Variants in CHLSN observed in about 807,000 individuals in gnomAD.
The protein encoded by CHLSN is cholesin, also known as protein cholesin.
chr7:1,005,887 C>G, the CHLSN span, among the ~76,000 whole-genome samples: 1 of 152,342 alleles, frequency 6.6e-6, no homozygotes, highest in Non-Finnish European at 1.5e-5. Context: ...CAGACCCAGG[C>G]AGGGGGCCGG....
chr7:979,734 C>CAA, the CHLSN span, among the ~76,000 whole-genome samples: 6 of 136,260 alleles, frequency 4.4e-5, no homozygotes, highest in African/African-American at 1.1e-4. Flanking sequence ...AACTCCGTCT[C>CAA]AAAAAAAAAA....
chr7:1,109,654 C>T, the CHLSN span, among the ~76,000 whole-genome samples: 1 of 152,014 alleles, frequency 6.6e-6, no homozygotes, highest in Non-Finnish European at 1.5e-5. Flanking sequence ...GAGCCTTTCC[C>T]GCCCGCCGGG....
At chr7:1,062,319 G>A in the CHLSN span, among the ~76,000 whole-genome samples, 1 of 152,118 alleles carries the variant, frequency 6.6e-6, no homozygotes, top group Non-Finnish European at 1.5e-5. Context: ...ACACGACAGA[G>A]GGAAAGCAGG....
At chr7:1,068,252 G>A in the CHLSN span, among the ~76,000 whole-genome samples, 4 of 152,056 alleles carry the variant, frequency 2.6e-5, no homozygotes, top group Non-Finnish European at 5.9e-5. Context: ...TGGTGCTCAC[G>A]CCACACCCCT....
the CHLSN span, among the ~76,000 whole-genome samples, chr7:1,061,475 A>G: frequency 6.6e-6 from 1 of 151,192 alleles, no homozygotes; most frequent in African/African-American, 2.4e-5. Flanking sequence ...CCCTCCACTG[A>G]GCGCCAAGGC....
At chr7:987,493 G>A in the CHLSN span, 55 of 1,546,424 alleles carry the variant, frequency 3.6e-5, no homozygotes, top group East Asian at 7.5e-4. Context: ...CCGCTGCACC[G>A]CGGCCGACAC....
At chr7:1,108,977 A>G in the CHLSN span, among the ~76,000 whole-genome samples, 5 of 149,338 alleles carry the variant, frequency 3.3e-5, no homozygotes, top group Non-Finnish European at 7.4e-5. Context: ...GCTCACTGCA[A>G]CTCTGCTTCC....
the CHLSN span, among the ~76,000 whole-genome samples, chr7:1,071,901 C>A: frequency 6.6e-6 from 1 of 152,216 alleles, no homozygotes; most frequent in African/African-American, 2.4e-5. Context: ...CAAGACTGCA[C>A]CCCCAGGCCC....
At chr7:1,006,829 C>A in the CHLSN span, among the ~76,000 whole-genome samples, 2 of 152,300 alleles carry the variant, frequency 1.3e-5, no homozygotes, top group East Asian at 3.9e-4. Flanking sequence ...ATCCCACCCT[C>A]TGGACCCTCC....
At chr7:1,081,256 G>A in the CHLSN span, among the ~76,000 whole-genome samples, 19 of 152,172 alleles carry the variant, frequency 1.2e-4, no homozygotes, top group African/African-American at 4.6e-4. Context: ...ACCCAGCCCC[G>A]CTCCACCAGA....
At chr7:993,229 C>T in the CHLSN span, among the ~76,000 whole-genome samples, 2 of 152,136 alleles carry the variant, frequency 1.3e-5, no homozygotes, top group East Asian at 1.9e-4. Flanking sequence ...AGCTGGAGCG[C>T]GTGGAGAGAG....
At chr7:1,053,960 C>A in the CHLSN span, among the ~76,000 whole-genome samples, 4 of 152,248 alleles carry the variant, frequency 2.6e-5, no homozygotes, top group Admixed American at 2.6e-4. Flanking sequence ...GTTCCTACCA[C>A]GAGCCAGAGA....
chr7:1,099,988 G>C, the CHLSN span, among the ~76,000 whole-genome samples: 2 of 152,186 alleles, frequency 1.3e-5, no homozygotes, highest in Non-Finnish European at 2.9e-5. Flanking sequence ...TGGAACCTGG[G>C]TATGGACAAC....
the CHLSN span, among the ~76,000 whole-genome samples, chr7:1,108,496 C>T: frequency 2.0e-5 from 3 of 152,204 alleles, no homozygotes; most frequent in Admixed American, 6.5e-5. Context: ...CCCAAACGCA[C>T]GGGTGTGCTG....
the CHLSN span, among the ~76,000 whole-genome samples, chr7:1,108,309 A>G: frequency 3.3e-3 from 353 of 106,352 alleles, 5 homozygotes; most frequent in African/African-American, 8.1e-3. Flanking sequence ...GCTGTGTCCC[A>G]CACTGGAGTC....
chr7:984,820 G>C, the CHLSN span: 1 of 1,314,732 alleles, frequency 7.6e-7, no homozygotes, highest in Non-Finnish European at 1.0e-6. Flanking sequence ...CAGGGGGACG[G>C]GAGTGGGGAT....
the CHLSN span, among the ~76,000 whole-genome samples, chr7:1,034,367 T>G: frequency 5.8e-3 from 879 of 150,514 alleles, 13 homozygotes; most frequent in African/African-American, 0.02. Flanking sequence ...ACATGTTTCA[T>G]GCAACTCCTA....
At chr7:1,038,337 C>T in the CHLSN span, among the ~76,000 whole-genome samples, 1 of 98,482 alleles carries the variant, frequency 1.0e-5, no homozygotes, top group Non-Finnish European at 2.2e-5. Flanking sequence ...CCAGCCACCC[C>T]GTCCGGGAGG....
chr7:1,068,938 C>T, the CHLSN span, among the ~76,000 whole-genome samples: 1 of 152,290 alleles, frequency 6.6e-6, no homozygotes, highest in Admixed American at 6.5e-5. Context: ...CTGTGAGGAA[C>T]CGGGGGAGGG....
Sources: allele counts gnomAD v4.1 joint callset (sites outside exome capture counted in the v4.1 genomes callset), GRCh38; gene constraint gnomAD v4.1.1; transcripts MANE v1.5; gene names NCBI Gene and HGNC (gene_info 2026-07-23, HGNC 2026-07-21).